The following INPP4B variants were observed in gnomAD, a reference collection of about 807,000 sequenced individuals.
INPP4B encodes inositol polyphosphate-4-phosphatase type II B.
INPP4B carries 55 observed loss-of-function variants against 122.5 expected under a neutral mutation model. That is an observed-to-expected ratio of 0.45 (90% CI 0.36 to 0.56). INPP4B has a LOEUF of 0.56. Among genes scored for constraint, INPP4B ranks in the 20% least tolerant of loss-of-function variants. The pLI is 0.00. For synonymous variants in INPP4B, 403 were observed against 388.7 expected, an observed-to-expected ratio of 1.04 and a Z score of -0.43; for missense variants, 1,000 against 1,097.7, an observed-to-expected ratio of 0.91 and a Z score of 1.26.
rs189623937 is a variant in INPP4B, at chr4:142,338,327, G to A, written c.373-23565C>T. Among the ~76,000 whole-genome samples the A allele has an allele frequency of 2.6e-4, 39 of 152,140 alleles. No individual in the cohort carries two copies. In the East Asian group the frequency reaches 5.2e-3, roughly 20 times the overall value. On this transcript the variant is annotated intron_variant, in intron 7 of 25. Transcript: ENST00000262992. ...CTAGGCTCACTGCAAGCTCCGCCTC[G>A]TGGGTTCACACCATTCTCCTGCCTC...
At position 142,558,779 on chromosome 4, in the gene INPP4B, A is replaced by G. The variant is rs1177645384; in HGVS notation, c.-190-96053T>C. On this transcript the variant is annotated intron_variant, in intron 2 of 25. Transcript: ENST00000262992. The stretch of plus-strand genomic sequence containing the variant: ...CATTGCACTACAGCCTGGGCGACAG[A>G]GCAAGACTCCCTCTAAAAAAAAAAA... Among the ~76,000 whole-genome samples, 9 of 129,346 alleles carry G rather than the reference A, an allele frequency of 7.0e-5. No individual in the cohort carries two copies. The East Asian group carries it at 2.0e-3, about 29-fold the overall frequency. 84.9% of individuals were successfully genotyped at this position (129,346 alleles called of 152,430 possible).
At chr4:142,105,662 A>G (rs1786666866) in intron 23 of INPP4B, among the ~76,000 whole-genome samples, 1 of 152,180 alleles carries the variant, frequency 6.6e-6, no homozygotes, top group Admixed American at 6.6e-5. Flanking sequence ...TTTTACTTCA[A>G]AAATAGAATT....
chr4:142,561,957 T>C (rs542138119), intron 2 of INPP4B, among the ~76,000 whole-genome samples: 16 of 152,260 alleles, frequency 1.1e-4, no homozygotes, highest in Middle Eastern at 3.4e-3. Context: ...GTATTATATC[T>C]AGAATTTTTT....
intron 2 of INPP4B, among the ~76,000 whole-genome samples, chr4:142,620,204 A>G (rs906788803): frequency 3.3e-5 from 5 of 151,966 alleles, no homozygotes; most frequent in African/African-American, 4.8e-5. Flanking sequence ...ACATGCACAC[A>G]TATGTTCATT....
intron 7 of INPP4B, among the ~76,000 whole-genome samples, chr4:142,388,007 T>C (rs66941440): frequency 0.21 from 31,382 of 152,182 alleles, 4,387 homozygotes; most frequent in African/African-American, 0.4. Context: ...TTAATGTCTG[T>C]GCGACCTTTA....
At chr4:142,394,532 C>T (rs1029806770) in intron 7 of INPP4B, among the ~76,000 whole-genome samples, 1 of 152,138 alleles carries the variant, frequency 6.6e-6, no homozygotes, top group Non-Finnish European at 1.5e-5. Context: ...GAGGTGATAT[C>T]TCATTATGGT....
At chr4:142,379,442 A>G (rs1793244202) in intron 7 of INPP4B, among the ~76,000 whole-genome samples, 1 of 152,148 alleles carries the variant, frequency 6.6e-6, no homozygotes, top group Admixed American at 6.6e-5. Flanking sequence ...GTCCCCTAAC[A>G]TTTTTCAGCA....
intron 18 of INPP4B, among the ~76,000 whole-genome samples, chr4:142,142,138 C>T (rs930692633): frequency 6.6e-6 from 1 of 151,902 alleles, no homozygotes; most frequent in Non-Finnish European, 1.5e-5. Flanking sequence ...AATTGCTTGC[C>T]TAATCAATTC....
At chr4:142,710,060 A>T (rs1453370966) in intron 2 of INPP4B, among the ~76,000 whole-genome samples, 1 of 152,216 alleles carries the variant, frequency 6.6e-6, no homozygotes, top group East Asian at 1.9e-4. Context: ...TCCATTCCAG[A>T]TCTCAATAGG....
chr4:142,118,162 G>T (rs538601410), intron 21 of INPP4B, among the ~76,000 whole-genome samples: 2 of 152,062 alleles, frequency 1.3e-5, no homozygotes, highest in Non-Finnish European at 2.9e-5. Flanking sequence ...ACAAATGGAA[G>T]AACATTCCAC....
At chr4:142,158,754 G>A (rs1368425888) in intron 17 of INPP4B, among the ~76,000 whole-genome samples, 1 of 151,666 alleles carries the variant, frequency 6.6e-6, no homozygotes, top group East Asian at 2.0e-4. Context: ...TAAAGAAAAG[G>A]AAACAAGGAA....
At chr4:142,144,692 T>C (rs879073600) in intron 18 of INPP4B, among the ~76,000 whole-genome samples, 2 of 152,034 alleles carry the variant, frequency 1.3e-5, no homozygotes, top group African/African-American at 4.8e-5. Context: ...TTTGCCTATA[T>C]GAATGTATGA....
At chr4:142,397,511 C>A (rs1377224292) in intron 7 of INPP4B, among the ~76,000 whole-genome samples, 1 of 152,092 alleles carries the variant, frequency 6.6e-6, no homozygotes, top group African/African-American at 2.4e-5. Flanking sequence ...TGAATACTGA[C>A]CTTGTTTTAG....
chr4:142,476,662 A>G (rs770282221), intron 2 of INPP4B, among the ~76,000 whole-genome samples: 3 of 152,166 alleles, frequency 2.0e-5, no homozygotes, highest in Non-Finnish European at 2.9e-5. Flanking sequence ...CGCTATTCTA[A>G]TTTCAGATAA....
At chr4:142,776,960 A>G (rs12499329) in intron 1 of INPP4B, among the ~76,000 whole-genome samples, 3,757 of 152,266 alleles carry the variant, frequency 0.025, 59 homozygotes, top group Middle Eastern at 0.095. Flanking sequence ...AATCTGATTT[A>G]TTCCTGAAGC....
chr4:142,032,932 T>C (rs754370037), intron 25 of INPP4B, among the ~76,000 whole-genome samples: 47 of 148,064 alleles, frequency 3.2e-4, no homozygotes, highest in Non-Finnish European at 6.2e-4. Flanking sequence ...TGTTCCCTCC[T>C]GCCTTTTTTT....
rs573944617 is a variant in INPP4B at position 142,382,570 on chromosome 4, T to C, written c.372+20368A>G. ...ATATATATTTACATTTATGTTTATA[T>C]ATTATATATTATATATATACTATAA... On this transcript the variant is annotated intron_variant, in intron 7 of 25. Transcript: ENST00000262992. Among the ~76,000 whole-genome samples, 76 of 108,562 alleles carry C rather than the reference T, an allele frequency of 7.0e-4. 2 individuals carry two copies. The highest frequency in any genetic ancestry group is 1.2e-3 in the Non-Finnish European group (63 of 54,706). 71.2% of individuals were successfully genotyped at this position (108,562 alleles called of 152,430 possible).
At chr4:142,255,432 C>A (rs1489380174) in intron 11 of INPP4B, among the ~76,000 whole-genome samples, 4 of 152,020 alleles carry the variant, frequency 2.6e-5, no homozygotes, top group South Asian at 4.2e-4. Flanking sequence ...GAGTCAAGAC[C>A]CATCAGTGTG....
chr4:142,160,307 T>C, intron 17 of INPP4B, 51 bp downstream of exon 17: 1 of 1,211,602 alleles, frequency 8.3e-7, no homozygotes, highest in Non-Finnish European at 1.1e-6. Flanking sequence ...CATTCCTACC[T>C]TATTTCTCAT....
Sources: gnomAD v4.1 joint callset for allele counts (sites outside exome capture counted in the v4.1 genomes callset) on GRCh38, gnomAD v4.1.1 for gene constraint, MANE v1.5 for transcripts, NCBI Gene and HGNC (gene_info 2026-07-23, HGNC 2026-07-21) for gene names.